The following SLC36A1 variants were observed in gnomAD, a reference collection of about 807,000 sequenced individuals.
SLC36A1 encodes the protein solute carrier family 36 member 1, also known as proton-coupled amino acid transporter 1.
SLC36A1 carries 30 observed loss-of-function variants against 47.5 expected under a neutral mutation model. That is an observed-to-expected ratio of 0.63 (90% confidence interval 0.47 to 0.86). The LOEUF (loss-of-function observed/expected upper bound fraction) is 0.86, where lower values mean the gene tolerates loss of function less well. Ranked by LOEUF, SLC36A1 falls within the 40% of genes least tolerant of loss-of-function variation. The probability of loss-of-function intolerance (pLI) is 0.00; values close to 1 mark genes in which losing one functional copy is unlikely to be tolerated. For missense variants in SLC36A1, 517 were observed against 606.0 expected (o/e 0.85, Z 1.54); for synonymous variants, 255 against 249.7 (o/e 1.02, Z -0.20).
At chr5:151,394,094 G>A in the SLC36A1 span, among the ~76,000 whole-genome samples, 1 of 152,170 alleles carries the variant, frequency 6.6e-6, no homozygotes, top group Non-Finnish European at 1.5e-5. Context: ...TGGAGGTTTT[G>A]TTTGTTTCCT....
intron 1 of SLC36A1, among the ~76,000 whole-genome samples, chr5:151,440,087 A>G (rs1395015440): frequency 6.6e-6 from 1 of 152,178 alleles, no homozygotes; most frequent in Non-Finnish European, 1.5e-5. Context: ...ATGAGTGTGA[A>G]TAACGGCATT....
downstream of SLC36A1, among the ~76,000 whole-genome samples, chr5:151,494,735 G>A (rs528391144): frequency 4.6e-5 from 7 of 152,188 alleles, no homozygotes; most frequent in South Asian, 1.2e-3. Context: ...CAAATTTTTA[G>A]TTATTATGGC....
chr5:151,433,247 T>TATAC (rs1554105169), upstream of SLC36A1, among the ~76,000 whole-genome samples: 1 of 14,434 alleles, frequency 6.9e-5, no homozygotes, highest in African/African-American at 2.8e-4. Flanking sequence ...TATATATATA[T>TATAC]ATATATATAT....
chr5:151,484,607 C>T (rs1205582791), intron 10 of SLC36A1, among the ~76,000 whole-genome samples: 5 of 152,164 alleles, frequency 3.3e-5, no homozygotes, highest in Non-Finnish European at 7.4e-5. Context: ...CACAGGTAAA[C>T]GAATGAACTG....
intron 1 of SLC36A1, among the ~76,000 whole-genome samples, chr5:151,455,353 T>G (rs552501489): frequency 6.6e-6 from 1 of 151,932 alleles, no homozygotes; most frequent in African/African-American, 2.4e-5. Context: ...TTTTTTTTTC[T>G]GTTTTCAATA....
chr5:151,531,830 A>G, the SLC36A1 span: 1 of 1,613,396 alleles, frequency 6.2e-7, no homozygotes, highest in Non-Finnish European at 8.5e-7. The surrounding 1 kb of genome is among the most constrained non-coding windows in gnomAD (Gnocchi z 5.7). Context: ...CCCAGGTCAG[A>G]GGCACGGACC....
upstream of SLC36A1, chr5:151,437,044 C>T (rs913068110): frequency 6.6e-6 from 1 of 152,280 alleles, no homozygotes; most frequent in Non-Finnish European, 1.5e-5. Flanking sequence ...GGGGTTTGCT[C>T]CAGAGCTCTT....
At chr5:151,502,236 C>T in the SLC36A1 span, among the ~76,000 whole-genome samples, 6 of 146,916 alleles carry the variant, frequency 4.1e-5, no homozygotes, top group African/African-American at 1.4e-4. Context: ...TGCTTGAACC[C>T]AGGAGGTAGA....
the SLC36A1 span, among the ~76,000 whole-genome samples, chr5:151,386,338 A>G: frequency 6.6e-6 from 1 of 152,150 alleles, no homozygotes; most frequent in Non-Finnish European, 1.5e-5. Context: ...GAGAGATACA[A>G]ACTTTAATTT....
intron 9 of SLC36A1, among the ~76,000 whole-genome samples, chr5:151,478,196 C>T (rs1056134508): frequency 6.6e-6 from 1 of 152,172 alleles, no homozygotes; most frequent in African/African-American, 2.4e-5. Context: ...GGCACATATA[C>T]ACAGTCTGTA....
chr5:151,405,303 T>A, the SLC36A1 span, among the ~76,000 whole-genome samples: 1 of 151,950 alleles, frequency 6.6e-6, no homozygotes, highest in Admixed American at 6.6e-5. Flanking sequence ...CTTCCTTGGG[T>A]TGAGTTGCTA....
chr5:151,426,940 C>G, the SLC36A1 span, among the ~76,000 whole-genome samples: 2 of 152,184 alleles, frequency 1.3e-5, no homozygotes, highest in Non-Finnish European at 2.9e-5. Context: ...CAAAGCACAT[C>G]CTGCACAGCC....
chr5:151,399,196 C>T, the SLC36A1 span, among the ~76,000 whole-genome samples: 59 of 149,582 alleles, frequency 3.9e-4, no homozygotes, highest in African/African-American at 1.4e-3. Flanking sequence ...AAGCGATTCT[C>T]TTGCCTCAGC....
the SLC36A1 span, among the ~76,000 whole-genome samples, chr5:151,539,380 A>G: frequency 6.6e-6 from 1 of 152,350 alleles, no homozygotes; most frequent in African/African-American, 2.4e-5. Context: ...AAGTTTGTAT[A>G]TATGCAAATG....
intron 10 of SLC36A1, chr5:151,480,060 T>C (rs1166648780): frequency 6.7e-7 from 1 of 1,489,766 alleles, no homozygotes; most frequent in African/African-American, 1.4e-5. Context: ...TTCCCAGGAG[T>C]GTAAGTTAAA....
At chr5:151,453,906 G>A (rs1181503409) in intron 1 of SLC36A1, among the ~76,000 whole-genome samples, 4 of 151,570 alleles carry the variant, frequency 2.6e-5, no homozygotes, top group Non-Finnish European at 4.4e-5. Context: ...AATTCAGTTT[G>A]CACATACATT....
Position 151,447,760 on chromosome 5 carries a change from G to T in SLC36A1, c.-59G>T, listed in dbSNP as rs566183282. 3 of 152,338 alleles carry T rather than the reference G, an allele frequency of 2.0e-5. No homozygotes were observed. The highest frequency in any genetic ancestry group is 6.5e-5 in the Admixed American group (1 of 15,300). The allele number at this position is 152,338 out of a possible 1,614,324, so 9.4% of individuals were successfully genotyped here. The stretch of plus-strand genomic sequence containing the variant: ...CACTGGCTGCCGGCTGGCGGCGCTC[G>T]CCGCCTTGGGCAGGACCCACCTCGC... On this transcript the variant is annotated 5_prime_UTR_variant, in exon 1 of 11. Transcript: ENST00000243389.
At chr5:151,550,225 G>A in the SLC36A1 span, among the ~76,000 whole-genome samples, 1 of 152,198 alleles carries the variant, frequency 6.6e-6, no homozygotes, top group Non-Finnish European at 1.5e-5. Context: ...TGCATGCCTT[G>A]CTGGCCTGAC....
At chr5:151,484,645 C>T (rs77417293) in intron 10 of SLC36A1, among the ~76,000 whole-genome samples, 6,142 of 152,242 alleles carry the variant, frequency 0.04, 404 homozygotes, top group African/African-American at 0.14. Flanking sequence ...CTGATTTGCC[C>T]TGCACCACTC....
Sources: gnomAD v4.1 joint callset for allele counts (sites outside exome capture counted in the v4.1 genomes callset) on GRCh38, gnomAD v4.1.1 for gene constraint, Gnocchi (gnomAD v3.1) non-coding constraint, MANE v1.5 for transcripts, NCBI Gene and HGNC (gene_info 2026-07-23, HGNC 2026-07-21) for gene names.